ARPP21: variants seen among roughly 807,000 people sequenced by gnomAD.
The protein encoded by ARPP21 is cAMP regulated phosphoprotein 21.
A neutral mutation model predicts 113.2 loss-of-function variants in ARPP21; 69 were observed. That is an observed-to-expected ratio of 0.61 (90% CI 0.50 to 0.74). The LOEUF is 0.74. ARPP21 is among the 30% of genes least tolerant of loss of function. ARPP21 has a pLI of 0.00. For missense variants in ARPP21, 1,070 were observed against 1,037.4 expected (o/e 1.03, Z -0.43); for synonymous variants, 368 against 375.5 (o/e 0.98, Z 0.23).
chr3:35,722,311 G>A (rs916504647), intron 14 of ARPP21, among the ~76,000 whole-genome samples: 8 of 152,216 alleles, frequency 5.3e-5, no homozygotes, highest in Middle Eastern at 3.4e-3. Flanking sequence ...AATATTAATA[G>A]CTTTCGTTCT....
Position 35,691,011 on chromosome 3 carries a change from C to T in ARPP21, c.686+6C>T, listed in dbSNP as rs546307602. ...AAGACCAGCAGCACCAGAATGTAAG[C>T]CCCATCACTGTACTTATTTAGCATT... is the stretch of plus-strand genomic sequence containing the variant. On this transcript the variant is annotated splice_donor_region_variant and intron_variant, in intron 9 of 20. Transcript: ENST00000684406. 15 of 1,604,152 alleles carry T rather than the reference C, an allele frequency of 9.4e-6. No individual in the cohort carries two copies. The East Asian group carries it at 3.4e-4, about 36-fold the overall frequency.
chr3:35,657,135 T>C (rs974272702), intron 1 of ARPP21, among the ~76,000 whole-genome samples: 1 of 152,050 alleles, frequency 6.6e-6, no homozygotes, highest in Non-Finnish European at 1.5e-5. Flanking sequence ...CTGTAAACTT[T>C]GCTGCTTTAA....
chr3:35,659,928 A>G (rs1403847589), intron 1 of ARPP21, among the ~76,000 whole-genome samples: 1 of 152,176 alleles, frequency 6.6e-6, no homozygotes, highest in Non-Finnish European at 1.5e-5. Context: ...GTAAAGAGTC[A>G]CATAAGTTCT....
Position 35,794,086 on chromosome 3 carries a change from G to C in ARPP21, c.*128G>C, listed in dbSNP as rs1214749306. ...CTCAAATGATTGCTGCTGGTATTCT[G>C]TAAAAAATAAACAAAGACTAATATA... On this transcript the variant is annotated 3_prime_UTR_variant, in exon 21 of 21. Transcript: ENST00000684406. The C allele has an allele frequency of 1.2e-6, 1 of 849,948 alleles. No homozygotes were observed. Among genetic ancestry groups the C allele is most frequent in the Non-Finnish European group, 1.8e-6 (1 of 551,100 alleles). 52.7% of individuals were successfully genotyped at this position (849,948 alleles called of 1,614,324 possible).
At chr3:35,776,314 G>A (rs2096365789) in intron 19 of ARPP21, among the ~76,000 whole-genome samples, 1 of 152,174 alleles carries the variant, frequency 6.6e-6, no homozygotes, top group Admixed American at 6.5e-5. Flanking sequence ...CTGGGAAAGT[G>A]GAAGATTCTC....
chr3:35,792,322 C>T, intron 19 of ARPP21, 60 bp from the exon 20 acceptor site: 2 of 1,519,192 alleles, frequency 1.3e-6, no homozygotes, highest in Non-Finnish European at 1.8e-6. Flanking sequence ...AGTTTTACCC[C>T]ATGAAACATC....
chr3:35,686,760 G>T (rs760701424), intron 5 of ARPP21, among the ~76,000 whole-genome samples: 10 of 151,602 alleles, frequency 6.6e-5, no homozygotes, highest in Admixed American at 6.6e-4. Context: ...TGGGCTTAAC[G>T]TTGGTTAATT....
chr3:35,777,440 G>A (rs1411876970), intron 19 of ARPP21, among the ~76,000 whole-genome samples: 1 of 152,164 alleles, frequency 6.6e-6, no homozygotes, highest in Non-Finnish European at 1.5e-5. Flanking sequence ...AACTAGCATG[G>A]AGCTTGTGAA....
chr3:35,784,199 G>A (rs576121896), intron 19 of ARPP21, among the ~76,000 whole-genome samples: 3 of 152,264 alleles, frequency 2.0e-5, no homozygotes, highest in Non-Finnish European at 2.9e-5. Flanking sequence ...GTGGAAAAAA[G>A]AATCAAAGCA....
chr3:35,712,725 A>C (rs2091547947), intron 11 of ARPP21, among the ~76,000 whole-genome samples: 1 of 152,174 alleles, frequency 6.6e-6, no homozygotes, highest in Non-Finnish European at 1.5e-5. Flanking sequence ...TTGAGAACTA[A>C]ATAGTTGTAA....
chr3:35,715,843 T>C (rs2150177419), intron 12 of ARPP21: 1 of 161,514 alleles, frequency 6.2e-6, no homozygotes, highest in Admixed American at 6.1e-5. Flanking sequence ...GCTAGAGGCA[T>C]GCATATATTT....
chr3:35,648,811 T>C (rs1701266819), intron 1 of ARPP21, among the ~76,000 whole-genome samples: 1 of 152,206 alleles, frequency 6.6e-6, no homozygotes, highest in Admixed American at 6.5e-5. Context: ...ATAAAACAGA[T>C]GTCAGCATTC....
intron 13 of ARPP21, among the ~76,000 whole-genome samples, chr3:35,717,572 G>C (rs1173777595): frequency 1.3e-5 from 2 of 151,980 alleles, no homozygotes; most frequent in African/African-American, 2.4e-5. Context: ...ATTCGTTAGG[G>C]TTCTTCTGGT....
intron 19 of ARPP21, among the ~76,000 whole-genome samples, chr3:35,790,763 A>T (rs2096731951): frequency 6.6e-6 from 1 of 152,232 alleles, no homozygotes; most frequent in Admixed American, 6.5e-5. Flanking sequence ...TAGCTCAAGG[A>T]AATGTGGTTA....
Position 35,790,474 on chromosome 3 carries a change from A to G in ARPP21, c.2138-1908A>G, listed in dbSNP as rs141814374. ...TTGGATGTATGAATCACAATGGGAG[A>G]CCTAGACAATGAAAAACAATCGGAA... On this transcript the variant is annotated intron_variant, in intron 19 of 20. Transcript: ENST00000684406. 2.8e-3 allele frequency among the ~76,000 whole-genome samples: 420 copies of G among 152,312 alleles called. 1 individual carries two copies. Among genetic ancestry groups the G allele is most frequent in the Non-Finnish European group, 4.8e-3 (328 of 68,032 alleles).
chr3:35,761,168 A>G (rs2151298300), intron 19 of ARPP21, among the ~76,000 whole-genome samples: 1 of 152,244 alleles, frequency 6.6e-6, no homozygotes, highest in East Asian at 1.9e-4. Context: ...CACTGAGTTC[A>G]AATCGAGGGC....
intron 11 of ARPP21, among the ~76,000 whole-genome samples, chr3:35,714,010 A>G (rs2091916694): frequency 6.6e-6 from 1 of 152,214 alleles, no homozygotes; most frequent in African/African-American, 2.4e-5. Context: ...AAATAAAAGA[A>G]GTTAGGACAT....
At chr3:35,706,837 A>G (rs2089290959) in intron 9 of ARPP21, 137 bp from the exon 10 acceptor site, 3 of 620,568 alleles carry the variant, frequency 4.8e-6, no homozygotes, top group Non-Finnish European at 8.5e-6. Context: ...CTACCTGTAT[A>G]TTGCCAGCAA....
chr3:35,761,011 A>G (rs1289844973), intron 19 of ARPP21, among the ~76,000 whole-genome samples: 2 of 152,122 alleles, frequency 1.3e-5, no homozygotes, highest in Admixed American at 6.6e-5. Flanking sequence ...ATGCTCAGGC[A>G]GATCCGCTTT....
Sources: gnomAD v4.1 joint callset for allele counts (sites outside exome capture counted in the v4.1 genomes callset) on GRCh38, gnomAD v4.1.1 for gene constraint, MANE v1.5 for transcripts, NCBI Gene and HGNC (gene_info 2026-07-23, HGNC 2026-07-21) for gene names.